Variants in TCF4 observed in about 807,000 individuals in gnomAD.
TCF4 encodes transcription factor 4.
A neutral mutation model predicts 82.1 loss-of-function variants in TCF4; 3 were observed. That is an observed-to-expected ratio of 0.04 (90% confidence interval 0.02 to 0.09). The LOEUF is 0.09. Ranked by LOEUF, TCF4 falls within the 10% of genes least tolerant of loss-of-function variation. The pLI is 1.00. For synonymous variants in TCF4, 276 were observed against 309.6 expected, an observed-to-expected ratio of 0.89 and a Z score of 1.14; for missense variants, 518 against 852.7, an observed-to-expected ratio of 0.61 and a Z score of 4.89.
rs550213023 is a variant in TCF4 at position 55,548,226 on chromosome 18, G to A, written c.145+37054C>T. ...GCTTTGTTTTCTGACAATTCTGAAA[G>A]GGAATCCCAGGGAGGAATCACACTC... On this transcript the variant is annotated intron_variant, in intron 3 of 19. Coordinates refer to ENST00000354452, the MANE Select transcript of TCF4 (RefSeq NM_001083962.2). Among the ~76,000 whole-genome samples, 42 of 152,324 alleles carry A rather than the reference G, an allele frequency of 2.8e-4. No individual in the cohort carries two copies. In the South Asian group the frequency reaches 8.5e-3, roughly 31 times the overall value.
intron 10 of TCF4, 149 bp from the exon 11 acceptor site, chr18:55,270,112 T>A (rs1257740420): frequency 2.9e-6 from 3 of 1,039,528 alleles, no homozygotes; most frequent in East Asian, 5.1e-5. Flanking sequence ...TGTTTAGATC[T>A]GACAGCTTTC....
intron 12 of TCF4, chr18:55,261,155 GCACC>G: frequency 3.2e-6 from 1 of 311,560 alleles, no homozygotes; most frequent in East Asian, 7.0e-5. Context: ...TGGTCAATGT[GCACC>G]CATATTACTT....
chr18:55,453,092 T>C (rs556399371), intron 5 of TCF4, among the ~76,000 whole-genome samples: 3 of 152,320 alleles, frequency 2.0e-5, no homozygotes, highest in African/African-American at 7.2e-5. Flanking sequence ...CTCCTGTCTA[T>C]TTCCCAGGCT....
chr18:55,591,574 A>G (rs764455917), upstream of TCF4, among the ~76,000 whole-genome samples: 1 of 152,054 alleles, frequency 6.6e-6, no homozygotes, highest in Admixed American at 6.5e-5. Flanking sequence ...CTGGAGTGCA[A>G]TGGCACGATC....
At chr18:55,510,473 A>C in intron 3 of TCF4, 1 of 835,062 alleles carries the variant, frequency 1.2e-6, no homozygotes, top group African/African-American at 1.8e-5. Flanking sequence ...TAAAAACCCC[A>C]GTCAAATATG....
chr18:55,588,205 A>G, upstream of TCF4: 1 of 1,285,158 alleles, frequency 7.8e-7, no homozygotes, highest in Non-Finnish European at 9.8e-7. Flanking sequence ...ACACACAGCC[A>G]AGATCCCTGA....
intron 3 of TCF4, among the ~76,000 whole-genome samples, chr18:55,481,358 T>C (rs2096428112): frequency 6.6e-6 from 1 of 152,178 alleles, no homozygotes; most frequent in Non-Finnish European, 1.5e-5. Flanking sequence ...ACCACATCAA[T>C]GAAAACAATC....
Position 55,309,091 on chromosome 18 carries a change from T to C in TCF4, c.550-29435A>G, listed in dbSNP as rs75742398. ...TTTAATTCTCATTGACTGACATCAT[T>C]TATTTATTATTATTATTATTATCAT... On this transcript the variant is annotated intron_variant, in intron 8 of 19. Coordinates refer to ENST00000354452, the MANE Select transcript of TCF4 (RefSeq NM_001083962.2). 3.5e-3 allele frequency among the ~76,000 whole-genome samples: 536 copies of C among 151,426 alleles called. 6 individuals are homozygous for C. The highest frequency in any genetic ancestry group is 0.013 in the African/African-American group (522 of 40,944).
At chr18:55,423,418 C>A (rs927551029) in intron 5 of TCF4, 4 of 75,694 alleles carry the variant, frequency 5.3e-5, no homozygotes, top group Non-Finnish European at 9.9e-5. Flanking sequence ...GAGAGGCACA[C>A]GCGCGCGCGC....
At chr18:55,564,127 G>A (rs865846031) in intron 3 of TCF4, among the ~76,000 whole-genome samples, 2 of 152,200 alleles carry the variant, frequency 1.3e-5, no homozygotes, top group African/African-American at 2.4e-5. Flanking sequence ...AATCAGCCAC[G>A]CAGAGTGAGA....
intron 8 of TCF4, chr18:55,302,619 T>C: frequency 5.3e-6 from 8 of 1,520,492 alleles, no homozygotes; most frequent in Non-Finnish European, 7.0e-6. Flanking sequence ...GCTGGATATA[T>C]GAAACTCAGA....
chr18:55,289,315 T>C (rs888564359), intron 8 of TCF4, among the ~76,000 whole-genome samples: 1 of 152,262 alleles, frequency 6.6e-6, no homozygotes, highest in Non-Finnish European at 1.5e-5. Context: ...ACAACTCTAA[T>C]ATGTTCTAAA....
At chr18:55,529,071 A>G (rs549440883) in intron 3 of TCF4, among the ~76,000 whole-genome samples, 1 of 152,256 alleles carries the variant, frequency 6.6e-6, no homozygotes, top group East Asian at 1.9e-4. Context: ...TCAGCTACTC[A>G]GGAGGTCGAA....
chr18:55,353,674 T>C (rs2082796437), intron 6 of TCF4, among the ~76,000 whole-genome samples: 1 of 152,218 alleles, frequency 6.6e-6, no homozygotes, highest in Admixed American at 6.5e-5. Flanking sequence ...TTACGTCAGA[T>C]ACTTAACTCT....
chr18:55,271,324 T>C (rs1282308568), intron 10 of TCF4, among the ~76,000 whole-genome samples: 1 of 152,148 alleles, frequency 6.6e-6, no homozygotes, highest in African/African-American at 2.4e-5. Flanking sequence ...TTTAAAGGAA[T>C]AGAGCTTATA....
intron 8 of TCF4, among the ~76,000 whole-genome samples, chr18:55,331,050 A>C (rs756762660): frequency 9.9e-5 from 15 of 152,192 alleles, no homozygotes; most frequent in Non-Finnish European, 2.2e-4. Flanking sequence ...TCTCTGAAAA[A>C]CATAAAAACA....
At chr18:55,435,005 T>C (rs909837795) in intron 5 of TCF4, among the ~76,000 whole-genome samples, 1 of 152,188 alleles carries the variant, frequency 6.6e-6, no homozygotes. Flanking sequence ...ATCACCCTGT[T>C]GTGCCATCAA....
At chr18:55,499,019 T>C (rs1299501304) in intron 3 of TCF4, among the ~76,000 whole-genome samples, 4 of 152,212 alleles carry the variant, frequency 2.6e-5, no homozygotes, top group African/African-American at 9.6e-5. Flanking sequence ...GTTTTTGTTT[T>C]TTAGATCTTC....
intron 3 of TCF4, among the ~76,000 whole-genome samples, chr18:55,582,701 A>C (rs1451054644): frequency 1.3e-5 from 2 of 152,158 alleles, no homozygotes; most frequent in Non-Finnish European, 2.9e-5. Context: ...ATCAAAAGCT[A>C]TTGGGAACTT....
Sources: gnomAD v4.1 joint callset for allele counts (sites outside exome capture counted in the v4.1 genomes callset) on GRCh38, gnomAD v4.1.1 for gene constraint, MANE v1.5 for transcripts, NCBI Gene and HGNC (gene_info 2026-07-23, HGNC 2026-07-21) for gene names.